GOLGA8M: variants seen among roughly 807,000 people sequenced by gnomAD.
The protein encoded by GOLGA8M is golgin subfamily A member 8M.
A neutral mutation model predicts 87.7 loss-of-function variants in GOLGA8M; 34 were observed. The observed-to-expected ratio is 0.39, with a 90% confidence interval of 0.29 to 0.52. GOLGA8M has a LOEUF of 0.52. Among genes scored for constraint, GOLGA8M ranks in the 20% least tolerant of loss-of-function variants. GOLGA8M has a pLI of 0.80. For missense variants in GOLGA8M, 396 were observed against 682.2 expected (o/e 0.58, Z 4.67); for synonymous variants, 138 against 250.2 (o/e 0.55, Z 4.23).
chr15:28,702,465 C>G lies in GOLGA8M; in HGVS notation c.1567G>C (p.Gly523Arg). ...CCCACAGAGATGTTGCACACCCTAC[C>G]TTCATCTCCTCCCTGAGCTCCAGCC... Reference protein sequence around the residue: ...HQAGAQGGDEGEAAGAAADGI... With the variant: ...HQAGAQGGDEREAAGAAADGI... The change falls in exon 17 of 19, where the codon GGT becomes CGT. Residue 523 changes from glycine (G) to arginine (R), a missense_variant and splice_region_variant. Around this residue, in one of 12 missense-constraint regions of GOLGA8M, gnomAD observed 173 missense variants for 150.2 expected, o/e 1.15. Transcript: ENST00000563027. The G allele has an allele frequency of 2.6e-6, 4 of 1,539,036 alleles. No individual in the cohort carries two copies. In the South Asian group the frequency reaches 3.4e-5, roughly 13 times the overall value.
At chr15:28,708,832 C>G (rs1596692965) in intron 4 of GOLGA8M, among the ~76,000 whole-genome samples, 1 of 151,000 alleles carries the variant, frequency 6.6e-6, no homozygotes, top group East Asian at 2.0e-4. Context: ...GGTTTCCATT[C>G]TCGGGGGCCT....
intron 8 of GOLGA8M, among the ~76,000 whole-genome samples, chr15:28,707,023 C>T (rs1351832633): frequency 2.2e-5 from 3 of 138,998 alleles, no homozygotes; most frequent in Non-Finnish European, 4.4e-5. Flanking sequence ...TCCTCGCAAC[C>T]ACCATAGGAG....
At position 28,707,848 on chromosome 15, in the gene GOLGA8M, T is replaced by C. The variant is rs1006732804; in HGVS notation, c.491A>G (p.Lys164Arg). 13 of 1,570,040 alleles carry C rather than the reference T, an allele frequency of 8.3e-6. 3 individuals are homozygous for C. The African/African-American group carries it at 1.0e-4, about 12-fold the overall frequency. The change falls in exon 8 of 19, where the codon AAG becomes AGG. Residue 164 changes from lysine (K) to arginine (R), a missense_variant. Coordinates refer to ENST00000563027, the MANE Select transcript of GOLGA8M (RefSeq NM_001282468.3). ...RSLRYFEEKS[K>R]DLAVRLQHSL... Reference sequence around the variant, plus strand: ...ATGTTGCAGGCGGACAGCCAGATCCTTGGACTTTTCTGTAGTGAGAGAGTT... The same window carrying C: ...ATGTTGCAGGCGGACAGCCAGATCCCTGGACTTTTCTGTAGTGAGAGAGTT...
At chr15:28,711,673 G>A in intron 1 of GOLGA8M, 2 of 984,172 alleles carry the variant, frequency 2.0e-6, no homozygotes, top group Non-Finnish European at 2.4e-6. Context: ...AAGATCAAAG[G>A]CCAGTCTTGC....
At chr15:28,705,103 C>T in intron 13 of GOLGA8M, 56 bp downstream of exon 13, 1 of 1,592,560 alleles carries the variant, frequency 6.3e-7, no homozygotes, top group Non-Finnish European at 8.5e-7. Context: ...TCCCCAGAGG[C>T]TGCTGCCCGC....
chr15:28,705,229 T>C lies in GOLGA8M; in HGVS notation c.1132-2A>G, dbSNP rs2079980244. On this transcript the variant is annotated splice_acceptor_variant, in intron 12 of 18. Coordinates refer to ENST00000563027, the MANE Select transcript of GOLGA8M (RefSeq NM_001282468.3). LOFTEE classifies it high-confidence loss of function. ...CAGTGTGCTCTTGTTCTCATTGTTC[T>C]GGACAGAGAGAAGCAATCAGCAGCC... is the stretch of plus-strand genomic sequence containing the variant. 6.3e-7 allele frequency: 1 copy of C among 1,597,324 alleles called. No individual in the cohort carries two copies. Among genetic ancestry groups the C allele is most frequent in the South Asian group, 1.1e-5 (1 of 90,960 alleles).
chr15:28,706,964 A>T lies in GOLGA8M; in HGVS notation c.592-265T>A, dbSNP rs897327637. Among the ~76,000 whole-genome samples the T allele has an allele frequency of 3.0e-4, 43 of 143,782 alleles. 3 individuals are homozygous for T. The highest frequency in any genetic ancestry group is 9.4e-4 in the African/African-American group (36 of 38,196). 94.3% of individuals were successfully genotyped at this position (143,782 alleles called of 152,430 possible). A position where few individuals can be genotyped will look rare whatever the true frequency, so the allele number is the denominator to read the frequency against. ...TTACTGTTATTATTACCACTGTTTG[A>T]ACCTTTGTGGAATGCTTCACCAGAT... On this transcript the variant is annotated intron_variant, in intron 8 of 18. Coordinates refer to ENST00000563027, the MANE Select transcript of GOLGA8M (RefSeq NM_001282468.3).
At chr15:28,708,741 T>C (rs1340496795) in intron 4 of GOLGA8M, among the ~76,000 whole-genome samples, 1 of 152,098 alleles carries the variant, frequency 6.6e-6, no homozygotes, top group African/African-American at 2.4e-5. Context: ...AATAAACATT[T>C]ACTGAGCATG....
At chr15:28,706,921 A>T (rs1183640977) in intron 8 of GOLGA8M, among the ~76,000 whole-genome samples, 5 of 144,140 alleles carry the variant, frequency 3.5e-5, no homozygotes, top group Non-Finnish European at 7.4e-5. Context: ...GAGAGATCAG[A>T]TAATATTGCT....
At position 28,705,188 on chromosome 15, in the gene GOLGA8M, C is replaced by A. The variant is rs1024322613; in HGVS notation, c.1171G>T (p.Val391Leu). Residue 391 changes from valine to leucine, a missense_variant, in exon 13 of 19, where the codon GTA (valine) becomes TTA (leucine). Physicochemically the swap from Val to Leu is conservative, Grantham distance 32. Transcript: ENST00000563027. ...NKSTLQLEQQ[V>L]KELQEKLGEE... Reference sequence around the variant, plus strand: ...CCAAGCTTCTCCTGTAGCTCCTTTACTTGCTGCTCCAACTGCAGTGTGCTC... The same window carrying A: ...CCAAGCTTCTCCTGTAGCTCCTTTAATTGCTGCTCCAACTGCAGTGTGCTC... The A allele has an allele frequency of 3.8e-6, 6 of 1,598,224 alleles. No homozygotes were observed. In the Admixed American group the frequency reaches 8.3e-5, roughly 22 times the overall value.
rs1252262838 is a variant in GOLGA8M, at chr15:28,699,430, C to A, written c.*2524G>T. 6.9e-6 allele frequency among the ~76,000 whole-genome samples: 1 copy of A among 145,464 alleles called. No homozygotes were observed. Among genetic ancestry groups the A allele is most frequent in the African/African-American group, 2.6e-5 (1 of 38,824 alleles). On this transcript the variant is annotated 3_prime_UTR_variant, in exon 19 of 19. Transcript: ENST00000563027. Reference sequence around the variant, plus strand: ...CTGAATGAGGTATCGCAAAAGACTGCATGCACTTTGGAGAAAGACTTGAGT... The same window carrying A: ...CTGAATGAGGTATCGCAAAAGACTGAATGCACTTTGGAGAAAGACTTGAGT...
upstream of GOLGA8M, among the ~76,000 whole-genome samples, chr15:28,713,067 C>T (rs2080235655): frequency 6.6e-6 from 1 of 151,670 alleles, no homozygotes; most frequent in Non-Finnish European, 1.5e-5. Context: ...GGGCCGGGTG[C>T]AGTGGCTCAT....
At chr15:28,707,904 A>G (rs1596689323) in intron 7 of GOLGA8M, 47 bp from the exon 8 acceptor site, 1 of 1,577,854 alleles carries the variant, frequency 6.3e-7, no homozygotes, top group Non-Finnish European at 8.5e-7. Context: ...CCCCCTGAAG[A>G]CCTGTCAAAG....
chr15:28,706,264 C>T, intron 10 of GOLGA8M, 61 bp from the exon 11 acceptor site: 4 of 926,560 alleles, frequency 4.3e-6, no homozygotes, highest in South Asian at 2.8e-5. Context: ...GACAGGCTGC[C>T]CTCTCCCTCT....
Position 28,701,383 on chromosome 15 carries a change from A to C in GOLGA8M, c.*571T>G, listed in dbSNP as rs1342250866. Among the ~76,000 whole-genome samples the C allele has an allele frequency of 6.6e-6, 1 of 151,820 alleles. No homozygotes were observed. The highest frequency in any genetic ancestry group is 1.5e-5 in the Non-Finnish European group (1 of 68,028). ...ATCACCAATACACAGAAAATGGAGG[A>C]AAGGCTGTTTCCAGTTCTTGGCCTT... On this transcript the variant is annotated 3_prime_UTR_variant, in exon 19 of 19. Coordinates refer to ENST00000563027, the MANE Select transcript of GOLGA8M (RefSeq NM_001282468.3).
chr15:28,706,325 A>C (rs2080028797), intron 10 of GOLGA8M, 74 bp downstream of exon 10: 1 of 680,332 alleles, frequency 1.5e-6, no homozygotes, highest in Admixed American at 2.6e-5. Context: ...TGGCTCTACT[A>C]TTCCCATTTT....
intron 1 of GOLGA8M, chr15:28,711,907 G>C (rs1371600549): frequency 2.1e-5 from 21 of 985,022 alleles, no homozygotes; most frequent in Non-Finnish European, 2.5e-5. Context: ...GGAGCCCCAG[G>C]AGTCACCAGC....
At chr15:28,710,083 C>CTTTT (rs775353298) in intron 2 of GOLGA8M, among the ~76,000 whole-genome samples, 1 of 133,650 alleles carries the variant, frequency 7.5e-6, no homozygotes, top group Admixed American at 8.6e-5. Flanking sequence ...CCCAGAATTC[C>CTTTT]TTTTTTTTTC....
chr15:28,703,934 G>C lies in GOLGA8M; in HGVS notation c.1201-17C>G, dbSNP rs1440827502. ...CAGGTGCTCCTAAGGGGCCAGGAAA[G>C]AGTGAGAAGGGATGGAGTTTGCCAG... On this transcript the variant is annotated splice_polypyrimidine_tract_variant and intron_variant, in intron 13 of 18. Transcript: ENST00000563027. The C allele has an allele frequency of 1.9e-6, 3 of 1,592,142 alleles. No homozygotes were observed. Among genetic ancestry groups the C allele is most frequent in the Non-Finnish European group, 1.7e-6 (2 of 1,177,812 alleles).
Sources: allele counts gnomAD v4.1 joint callset (sites outside exome capture counted in the v4.1 genomes callset), GRCh38; gene constraint gnomAD v4.1.1; regional missense constraint gnomAD v4.1.1; transcripts MANE v1.5; gene names NCBI Gene and HGNC (gene_info 2026-07-23, HGNC 2026-07-21).